DCDC2C: variants seen among roughly 807,000 people sequenced by gnomAD.
DCDC2C encodes doublecortin domain-containing protein 2C.
In DCDC2C, 44 loss-of-function variants were observed where a neutral mutation model predicts 45.0. The observed-to-expected ratio is 0.98, with a 90% CI of 0.77 to 1.26. DCDC2C has a LOEUF of 1.26. Ranked by LOEUF, DCDC2C falls within the 50% of genes most tolerant of loss-of-function variation. The pLI is 0.00. For synonymous variants in DCDC2C, 187 were observed against 178.8 expected, an observed-to-expected ratio of 1.05 and a Z score of -0.37; for missense variants, 447 against 468.9, an observed-to-expected ratio of 0.95 and a Z score of 0.43.
At chr2:3,749,606 G>C (rs557906284) in intron 4 of DCDC2C, among the ~76,000 whole-genome samples, 3 of 152,196 alleles carry the variant, frequency 2.0e-5, no homozygotes, top group Non-Finnish European at 4.4e-5. Context: ...ATGAGGCCGA[G>C]ATGAGTTTAG....
chr2:3,829,394 TG>T (rs1453664550), intron 10 of DCDC2C, among the ~76,000 whole-genome samples: 12 of 151,968 alleles, frequency 7.9e-5, no homozygotes, highest in Non-Finnish European at 1.5e-4. Context: ...TGTGAGGAAC[TG>T]TTATTGATTG....
At chr2:3,718,366 C>A (rs1668400805) in intron 2 of DCDC2C, among the ~76,000 whole-genome samples, 1 of 152,190 alleles carries the variant, frequency 6.6e-6, no homozygotes, top group Non-Finnish European at 1.5e-5. Context: ...GGGACGGCTT[C>A]TCTGGCTCTT....
At chr2:3,792,684 A>G (rs1025486989) in intron 10 of DCDC2C, among the ~76,000 whole-genome samples, 1 of 152,146 alleles carries the variant, frequency 6.6e-6, no homozygotes, top group African/African-American at 2.4e-5. Context: ...TTAATGAGAA[A>G]TCCTTATTGG....
chr2:3,798,851 G>A (rs1168859707), intron 10 of DCDC2C, among the ~76,000 whole-genome samples: 91 of 152,200 alleles, frequency 6.0e-4, no homozygotes, highest in African/African-American at 2.1e-3. Flanking sequence ...TATGTGTCTT[G>A]GAGTTGCTCT....
intron 2 of DCDC2C, among the ~76,000 whole-genome samples, chr2:3,719,038 C>T (rs1668422761): frequency 6.6e-6 from 1 of 152,062 alleles, no homozygotes; most frequent in Non-Finnish European, 1.5e-5. Context: ...CTGGCTTCAC[C>T]TCTCACTATC....
intron 10 of DCDC2C, among the ~76,000 whole-genome samples, chr2:3,836,071 G>A (rs1672068216): frequency 6.6e-6 from 1 of 152,118 alleles, no homozygotes; most frequent in African/African-American, 2.4e-5. Flanking sequence ...GTATTTGAAA[G>A]AAACCATCAG....
intron 4 of DCDC2C, among the ~76,000 whole-genome samples, chr2:3,747,922 G>C (rs1669421685): frequency 6.6e-6 from 1 of 152,180 alleles, no homozygotes; most frequent in Admixed American, 6.5e-5. Flanking sequence ...GGCTGGTCAG[G>C]GCGGGCTTCT....
chr2:3,755,278 T>A (rs1231406983), intron 6 of DCDC2C, among the ~76,000 whole-genome samples: 1 of 152,132 alleles, frequency 6.6e-6, no homozygotes, highest in Non-Finnish European at 1.5e-5. Context: ...CATGGATGCA[T>A]GTGTATGTGG....
chr2:3,817,234 T>C (rs1045681792), intron 10 of DCDC2C, among the ~76,000 whole-genome samples: 2 of 152,228 alleles, frequency 1.3e-5, no homozygotes, highest in African/African-American at 2.4e-5. Context: ...TTGCAGTGAA[T>C]GACTCCAGCT....
intron 3 of DCDC2C, among the ~76,000 whole-genome samples, chr2:3,735,814 A>C (rs571103545): frequency 6.9e-6 from 1 of 145,572 alleles, no homozygotes; most frequent in Non-Finnish European, 1.5e-5. Context: ...GGGTTTGACC[A>C]TTTTTTTTTT....
chr2:3,723,188 A>G (rs1668543400), intron 2 of DCDC2C, among the ~76,000 whole-genome samples: 1 of 152,190 alleles, frequency 6.6e-6, no homozygotes, highest in African/African-American at 2.4e-5. Flanking sequence ...GGGGTCACTC[A>G]TCGTTCAGGC....
intron 3 of DCDC2C, among the ~76,000 whole-genome samples, chr2:3,736,566 A>T (rs1020055873): frequency 4.6e-5 from 7 of 152,004 alleles, no homozygotes; most frequent in African/African-American, 7.2e-5. Context: ...GAGGGGTAGG[A>T]TTCTTCGCTC....
intron 10 of DCDC2C, among the ~76,000 whole-genome samples, chr2:3,799,072 T>C (rs1216313654): frequency 6.6e-6 from 1 of 152,214 alleles, no homozygotes; most frequent in East Asian, 1.9e-4. Flanking sequence ...GCTTGTTTCT[T>C]TTTATTCTTT....
intron 8 of DCDC2C, among the ~76,000 whole-genome samples, chr2:3,775,233 G>A (rs139467712): frequency 0.03 from 2,116 of 69,646 alleles, 60 homozygotes; most frequent in Admixed American, 0.099. Context: ...GGCAGCTGTG[G>A]CTCTGAGCTA....
chr2:3,709,460 A>G (rs1384652873), intron 2 of DCDC2C, among the ~76,000 whole-genome samples: 1 of 152,246 alleles, frequency 6.6e-6, no homozygotes, highest in Non-Finnish European at 1.5e-5. Flanking sequence ...CAGCCCCAGC[A>G]TTGTTCACAG....
At chr2:3,781,834 C>T (rs1169729267) in intron 9 of DCDC2C, among the ~76,000 whole-genome samples, 4 of 152,162 alleles carry the variant, frequency 2.6e-5, no homozygotes, top group Admixed American at 2.6e-4. Flanking sequence ...TGTGCCACTC[C>T]AGCCTGGGTG....
intron 3 of DCDC2C, among the ~76,000 whole-genome samples, chr2:3,736,572 C>T (rs765991189): frequency 2.0e-5 from 3 of 152,132 alleles, no homozygotes; most frequent in Non-Finnish European, 2.9e-5. Context: ...TAGGATTCTT[C>T]GCTCCTCTGG....
At chr2:3,716,947 T>C (rs1257716148) in intron 2 of DCDC2C, among the ~76,000 whole-genome samples, 3 of 152,166 alleles carry the variant, frequency 2.0e-5, no homozygotes, top group African/African-American at 7.2e-5. Flanking sequence ...CATCAGGTGG[T>C]GAACATTTGG....
At chr2:3,704,328 G>A (rs1484702757) in intron 1 of DCDC2C, among the ~76,000 whole-genome samples, 1 of 150,496 alleles carries the variant, frequency 6.6e-6, no homozygotes, top group Non-Finnish European at 1.5e-5. Context: ...GAGGGCGTGG[G>A]GGAGGGGCGT....
Sources: gnomAD v4.1 joint callset for allele counts (sites outside exome capture counted in the v4.1 genomes callset) on GRCh38, gnomAD v4.1.1 for gene constraint, MANE v1.5 for transcripts, NCBI Gene and HGNC (gene_info 2026-07-23, HGNC 2026-07-21) for gene names.